The following MTFR1 variants were observed in gnomAD, a reference collection of about 807,000 sequenced individuals.
MTFR1 encodes mitochondrial fission regulator 1.
A neutral mutation model predicts 38.8 loss-of-function variants in MTFR1; 28 were observed. The observed-to-expected ratio is 0.72, with a 90% confidence interval of 0.53 to 0.99. MTFR1 has a LOEUF of 0.99. Among genes scored for constraint, MTFR1 ranks in the 50% least tolerant of loss-of-function variants. The pLI is 0.00. For synonymous variants in MTFR1, 145 were observed against 137.0 expected (o/e 1.06, Z -0.41); for missense variants, 358 against 395.5 (o/e 0.91, Z 0.81).
intron 3 of MTFR1, among the ~76,000 whole-genome samples, chr8:65,756,436 T>TC (rs1335569810): frequency 1.2e-4 from 19 of 152,160 alleles, no homozygotes; most frequent in Middle Eastern, 3.2e-3. Flanking sequence ...TCTCTTTTTT[T>TC]TCTCTCTCTC....
chr8:65,726,858 G>A, intron 3 of MTFR1: 5 of 1,386,598 alleles, frequency 3.6e-6, no homozygotes, highest in Non-Finnish European at 5.1e-6. Context: ...AATTAAATTT[G>A]TCTTAATCCA....
At chr8:65,777,569 T>C in the MTFR1 span, among the ~76,000 whole-genome samples, 15 of 152,228 alleles carry the variant, frequency 9.9e-5, no homozygotes, top group African/African-American at 3.6e-4. Flanking sequence ...TTTTTTGTTC[T>C]TTCCACAACC....
chr8:65,744,392 C>T (rs1274800930), intron 3 of MTFR1, among the ~76,000 whole-genome samples: 1 of 152,108 alleles, frequency 6.6e-6, no homozygotes, highest in Non-Finnish European at 1.5e-5. Flanking sequence ...AATTGTACCA[C>T]CAATAATTAT....
chr8:65,707,990 G>A lies in MTFR1; in HGVS notation c.912G>A (p.Glu304=). The change falls in exon 7 of 8, where the codon GAG becomes GAA. Residue 304 remains glutamate, a synonymous_variant. Coordinates refer to ENST00000262146, the MANE Select transcript of MTFR1 (RefSeq NM_014637.4). ...VEKGIPKSES[E]ATSERVLFGP... is the part of the protein sequence containing the mutation. ...AAGGAATTCCAAAGTCTGAATCAGA[G>A]GCCACCTCAGAGAGAGTGTTGGTGA... 6.2e-7 allele frequency: 1 copy of A among 1,612,800 alleles called. No individual in the cohort carries two copies. Among genetic ancestry groups the A allele is most frequent in the South Asian group, 1.1e-5 (1 of 91,076 alleles).
chr8:65,698,208 G>A (rs1279964605), intron 4 of MTFR1, among the ~76,000 whole-genome samples: 7 of 150,790 alleles, frequency 4.6e-5, no homozygotes, highest in Admixed American at 6.7e-5. Flanking sequence ...GAGTGCAGTG[G>A]CATGATCATA....
intron 3 of MTFR1, among the ~76,000 whole-genome samples, chr8:65,766,173 T>C (rs906682540): frequency 8.5e-5 from 13 of 152,234 alleles, no homozygotes; most frequent in African/African-American, 3.1e-4. Flanking sequence ...CTTGAACTCC[T>C]GACCTCAGGT....
rs375130601 is a variant in MTFR1, at chr8:65,667,200, C to T, written c.-80-2673C>T. On this transcript the variant is annotated intron_variant, in intron 1 of 7. Transcript: ENST00000262146. ...CTGAGGCAGGAGAAGTGCTTGAACC[C>T]GTGAGGCAAAGGTTGCAGTGAGCCA... Among the ~76,000 whole-genome samples the T allele has an allele frequency of 9.2e-5, 14 of 151,726 alleles. No individual in the cohort carries two copies. The East Asian group carries it at 1.2e-3, about 13-fold the overall frequency.
chr8:65,733,337 G>A (rs1439008009), intron 3 of MTFR1, among the ~76,000 whole-genome samples: 1 of 152,186 alleles, frequency 6.6e-6, no homozygotes, highest in Non-Finnish European at 1.5e-5. Context: ...ACCCTTTTGT[G>A]TGCTGCAGAG....
At chr8:65,745,734 A>T (rs542919915) in intron 3 of MTFR1, among the ~76,000 whole-genome samples, 80 of 152,360 alleles carry the variant, frequency 5.3e-4, no homozygotes, top group African/African-American at 1.9e-3. Context: ...TTATTGCTAC[A>T]GTCTTGCAAA....
chr8:65,668,184 C>CT (rs200290743), intron 1 of MTFR1, among the ~76,000 whole-genome samples: 17,886 of 109,124 alleles, frequency 0.16, 1,998 homozygotes, highest in East Asian at 0.58. Flanking sequence ...TTTTTTTTTT[C>CT]TTTTTTTTTT....
At chr8:65,647,130 C>T (rs1563428968) in intron 1 of MTFR1, among the ~76,000 whole-genome samples, 1 of 152,164 alleles carries the variant, frequency 6.6e-6, no homozygotes, top group Non-Finnish European at 1.5e-5. Flanking sequence ...AGGAAGATAG[C>T]TGGTACTGTC....
chr8:65,744,819 T>C (rs1468034288), intron 3 of MTFR1, among the ~76,000 whole-genome samples: 1 of 152,240 alleles, frequency 6.6e-6, no homozygotes, highest in Non-Finnish European at 1.5e-5. Flanking sequence ...ATGATACTAA[T>C]GATGATTTGA....
intron 4 of MTFR1, among the ~76,000 whole-genome samples, chr8:65,704,021 G>C (rs1805703460): frequency 6.6e-6 from 1 of 152,010 alleles, no homozygotes; most frequent in Non-Finnish European, 1.5e-5. Context: ...ATACCAGCCT[G>C]GGCAACATAG....
At chr8:65,734,944 C>A (rs1353841597) in intron 3 of MTFR1, 6 of 1,126,424 alleles carry the variant, frequency 5.3e-6, no homozygotes, top group South Asian at 2.5e-5. Flanking sequence ...GCAACATATA[C>A]AAGGACAAAA....
At chr8:65,684,890 G>T (rs1386895312) in intron 3 of MTFR1, among the ~76,000 whole-genome samples, 1 of 152,032 alleles carries the variant, frequency 6.6e-6, no homozygotes, top group Non-Finnish European at 1.5e-5. Flanking sequence ...TGTAATCCCA[G>T]CTACTCAGGA....
chr8:65,753,908 G>A (rs1308367884), intron 3 of MTFR1, among the ~76,000 whole-genome samples: 3 of 151,822 alleles, frequency 2.0e-5, no homozygotes. Context: ...AACTTAAAGT[G>A]TATACTGTCT....
At chr8:65,697,986 G>A (rs1805493104) in intron 4 of MTFR1, among the ~76,000 whole-genome samples, 1 of 152,006 alleles carries the variant, frequency 6.6e-6, no homozygotes, top group Admixed American at 6.5e-5. Context: ...CTTTCATGGA[G>A]CAAAAGTTTT....
In MTFR1 at chr8:65,707,922, T is replaced by G; in HGVS notation, c.844T>G (p.Phe282Val). 5.0e-6 allele frequency: 8 copies of G among 1,614,088 alleles called. No homozygotes were observed. Among genetic ancestry groups the G allele is most frequent in the Non-Finnish European group, 5.9e-6 (7 of 1,180,010 alleles). ...CATAGCAGAGGCTCTGAAAAAGAAA[T>G]TTGCTTATCGGTATCGAAGTGATAG... Reference protein sequence around the residue: ...ALIAEALKKKFAYRYRSDSQD... With the variant: ...ALIAEALKKKVAYRYRSDSQD... Residue 282 changes from phenylalanine to valine, a missense_variant, in exon 7 of 8, where the codon TTT (phenylalanine) becomes GTT (valine). Coordinates refer to ENST00000262146, the MANE Select transcript of MTFR1 (RefSeq NM_014637.4).
chr8:65,656,607 T>G (rs1465214912), intron 1 of MTFR1, among the ~76,000 whole-genome samples: 1 of 151,182 alleles, frequency 6.6e-6, no homozygotes, highest in Non-Finnish European at 1.5e-5. Flanking sequence ...ATTCAAGCGA[T>G]TCTCACGCCT....
Sources: allele counts gnomAD v4.1 joint callset (sites outside exome capture counted in the v4.1 genomes callset), GRCh38; gene constraint gnomAD v4.1.1; transcripts MANE v1.5; gene names NCBI Gene and HGNC (gene_info 2026-07-23, HGNC 2026-07-21).